The following MSRA variants were observed in gnomAD, a reference collection of about 807,000 sequenced individuals.
MSRA encodes the protein methionine sulfoxide reductase A, also known as mitochondrial peptide methionine sulfoxide reductase.
A neutral mutation model predicts 31.3 loss-of-function variants in MSRA; 54 were observed. That is an observed-to-expected ratio of 1.73 (90% confidence interval 1.39 to 2.17). The LOEUF (loss-of-function observed/expected upper bound fraction) is 2.17, where lower values mean the gene tolerates loss of function less well. Ranked by LOEUF, MSRA falls within the 30% of genes most tolerant of loss-of-function variation. MSRA has a pLI of 0.00. For missense variants in MSRA, 507 were observed against 300.9 expected, an observed-to-expected ratio of 1.69 and a Z score of -5.07; for synonymous variants, 169 against 116.5, an observed-to-expected ratio of 1.45 and a Z score of -2.90.
At chr8:10,077,588 G>A (rs1281883157) in intron 1 of MSRA, among the ~76,000 whole-genome samples, 1 of 146,242 alleles carries the variant, frequency 6.8e-6, no homozygotes, top group Admixed American at 7.0e-5. Flanking sequence ...CTCTCTGAGT[G>A]TTGGAATTAC....
chr8:10,304,692 C>G (rs1232103765), intron 4 of MSRA, among the ~76,000 whole-genome samples: 1 of 152,184 alleles, frequency 6.6e-6, no homozygotes, highest in Non-Finnish European at 1.5e-5. Context: ...TAAATCTCTA[C>G]TTGAGGTCAC....
chr8:10,393,518 C>G (rs776470148), intron 5 of MSRA, among the ~76,000 whole-genome samples: 2 of 152,132 alleles, frequency 1.3e-5, no homozygotes, highest in East Asian at 1.9e-4. Flanking sequence ...TGCTGGGCAC[C>G]GTGTAGGCAT....
intron 1 of MSRA, among the ~76,000 whole-genome samples, chr8:10,176,765 G>T (rs13277195): frequency 0.11 from 17,370 of 152,194 alleles, 1,308 homozygotes; most frequent in Non-Finnish European, 0.17. Flanking sequence ...CTGGAATGGG[G>T]GCTCAGAGCA....
chr8:10,339,972 C>T (rs1803318389), intron 5 of MSRA, among the ~76,000 whole-genome samples: 1 of 152,182 alleles, frequency 6.6e-6, no homozygotes, highest in Admixed American at 6.5e-5. Flanking sequence ...TTAAAATCTT[C>T]ATGGATCCCC....
intron 2 of MSRA, among the ~76,000 whole-genome samples, chr8:10,231,074 C>T (rs1433431724): frequency 6.6e-6 from 1 of 152,170 alleles, no homozygotes; most frequent in Non-Finnish European, 1.5e-5. Flanking sequence ...GCATCAGCCA[C>T]CGCACCCAGC....
chr8:10,222,024 A>G (rs893250461), intron 2 of MSRA, among the ~76,000 whole-genome samples: 3 of 151,686 alleles, frequency 2.0e-5, no homozygotes, highest in Non-Finnish European at 2.9e-5. Context: ...GGACTTTAAC[A>G]TTTATTTTGC....
At chr8:10,333,497 A>G (rs1802829097) in intron 5 of MSRA, among the ~76,000 whole-genome samples, 2 of 152,114 alleles carry the variant, frequency 1.3e-5, no homozygotes, top group South Asian at 2.1e-4. Flanking sequence ...GTCCCCGATG[A>G]CTTGGGCAGC....
chr8:10,387,499 A>G (rs1209534920), intron 5 of MSRA, among the ~76,000 whole-genome samples: 1 of 152,106 alleles, frequency 6.6e-6, no homozygotes, highest in South Asian at 2.1e-4. Context: ...GGGGAAAGAG[A>G]TGTAGGCAGT....
At chr8:10,289,403 A>G (rs1304502874) in intron 3 of MSRA, among the ~76,000 whole-genome samples, 2 of 151,892 alleles carry the variant, frequency 1.3e-5, no homozygotes, top group East Asian at 1.9e-4. Context: ...GATAGTGGGT[A>G]TATATATTTA....
At chr8:10,343,163 A>T (rs185729807) in intron 5 of MSRA, among the ~76,000 whole-genome samples, 2 of 152,122 alleles carry the variant, frequency 1.3e-5, no homozygotes, top group African/African-American at 4.8e-5. Flanking sequence ...GCTTTTCTCC[A>T]TCTCTTGGTC....
intron 5 of MSRA, chr8:10,337,052 T>C (rs1440010887): frequency 6.6e-6 from 1 of 152,250 alleles, no homozygotes; most frequent in Non-Finnish European, 1.5e-5. Flanking sequence ...CCATGCCTTG[T>C]AATAGTCAGG....
chr8:10,303,373 G>A (rs1017317938), intron 4 of MSRA, among the ~76,000 whole-genome samples: 3 of 152,100 alleles, frequency 2.0e-5, no homozygotes, highest in Admixed American at 6.5e-5. Context: ...TGAACCTCGG[G>A]GGGAATACTA....
chr8:10,064,800 C>T (rs942774469), intron 1 of MSRA, among the ~76,000 whole-genome samples: 4 of 152,092 alleles, frequency 2.6e-5, no homozygotes, highest in African/African-American at 9.7e-5. Flanking sequence ...TCAGATGAGG[C>T]CACAAATTAT....
chr8:10,284,656 A>T (rs1799836949), intron 3 of MSRA, among the ~76,000 whole-genome samples: 1 of 152,106 alleles, frequency 6.6e-6, no homozygotes, highest in Non-Finnish European at 1.5e-5. Flanking sequence ...CTTCTTTAGC[A>T]CAGTGTGGAG....
At chr8:10,147,973 C>T (rs1246094709) in intron 1 of MSRA, among the ~76,000 whole-genome samples, 2 of 152,194 alleles carry the variant, frequency 1.3e-5, no homozygotes, top group Non-Finnish European at 2.9e-5. Flanking sequence ...GCGAGTCTCC[C>T]ATGGTTTGAG....
At chr8:10,283,121 A>G (rs984426742) in intron 3 of MSRA, among the ~76,000 whole-genome samples, 3 of 119,682 alleles carry the variant, frequency 2.5e-5, no homozygotes, top group South Asian at 2.5e-4. Flanking sequence ...TATTGCATAT[A>G]TTCACATTAC....
At chr8:10,283,302 C>A (rs1799734498) in intron 3 of MSRA, among the ~76,000 whole-genome samples, 1 of 152,106 alleles carries the variant, frequency 6.6e-6, no homozygotes, top group Admixed American at 6.5e-5. Flanking sequence ...AATTGCACAT[C>A]ATTTTTAGCT....
intron 2 of MSRA, among the ~76,000 whole-genome samples, chr8:10,242,552 T>A (rs767929830): frequency 4.3e-4 from 65 of 152,274 alleles, no homozygotes; most frequent in Non-Finnish European, 7.9e-4. Flanking sequence ...ATATGTTTGT[T>A]TTGTGTGGTT....
At chr8:10,375,003 C>T (rs1192775721) in intron 5 of MSRA, among the ~76,000 whole-genome samples, 1 of 152,192 alleles carries the variant, frequency 6.6e-6, no homozygotes, top group East Asian at 1.9e-4. Context: ...TACCTTCTGC[C>T]ATGATTGTAA....
Sources: allele counts gnomAD v4.1 joint callset (sites outside exome capture counted in the v4.1 genomes callset), GRCh38; gene constraint gnomAD v4.1.1; transcripts MANE v1.5; gene names NCBI Gene and HGNC (gene_info 2026-07-23, HGNC 2026-07-21).